Variants in ZNF521 observed in about 807,000 individuals in gnomAD.
ZNF521 encodes zinc finger protein 521.
A neutral mutation model predicts 105.5 loss-of-function variants in ZNF521; 14 were observed. The ratio of observed to expected loss-of-function variants is 0.13; its 90% confidence interval spans 0.09 to 0.21. ZNF521 has a LOEUF of 0.21. Ranked by LOEUF, ZNF521 falls within the 10% of genes least tolerant of loss-of-function variation. ZNF521 has a pLI of 1.00. For missense variants in ZNF521, 1,233 were observed against 1,629.7 expected (o/e 0.76, Z 4.19); for synonymous variants, 635 against 606.0 (o/e 1.05, Z -0.70).
At chr18:25,083,019 G>A (rs2033536795) in intron 7 of ZNF521, among the ~76,000 whole-genome samples, 1 of 151,968 alleles carries the variant, frequency 6.6e-6, no homozygotes, top group African/African-American at 2.4e-5. Flanking sequence ...TCGCTTGGAG[G>A]AAAATATGAA....
At chr18:25,185,891 C>T (rs1179870608) in intron 5 of ZNF521, among the ~76,000 whole-genome samples, 1 of 152,124 alleles carries the variant, frequency 6.6e-6, no homozygotes, top group Non-Finnish European at 1.5e-5. Context: ...GAGAGTGTAA[C>T]AACTTGTGGC....
At chr18:25,105,516 C>G (rs934873599) in intron 5 of ZNF521, among the ~76,000 whole-genome samples, 2 of 152,122 alleles carry the variant, frequency 1.3e-5, no homozygotes, top group African/African-American at 2.4e-5. Flanking sequence ...ATTCTCCTCC[C>G]CTTATCTCTG....
At chr18:25,169,047 A>AT (rs1388033435) in intron 5 of ZNF521, among the ~76,000 whole-genome samples, 1 of 151,982 alleles carries the variant, frequency 6.6e-6, no homozygotes, top group Non-Finnish European at 1.5e-5. Context: ...TTCCTCCTAC[A>AT]TTTTCCTGGC....
intron 5 of ZNF521, among the ~76,000 whole-genome samples, chr18:25,188,376 G>T (rs763759022): frequency 3.0e-4 from 46 of 152,148 alleles, no homozygotes; most frequent in Non-Finnish European, 4.9e-4. Flanking sequence ...GCTATTAATG[G>T]CCCTGAAACT....
At chr18:25,317,043 G>C (rs1912673313) in intron 3 of ZNF521, among the ~76,000 whole-genome samples, 2 of 151,944 alleles carry the variant, frequency 1.3e-5, no homozygotes, top group African/African-American at 4.8e-5. Flanking sequence ...TTTTAGTAGA[G>C]ACGGGGTTTC....
chr18:25,311,322 A>G (rs1325008296), intron 3 of ZNF521, among the ~76,000 whole-genome samples: 1 of 151,956 alleles, frequency 6.6e-6, no homozygotes, highest in Non-Finnish European at 1.5e-5. Context: ...AAGGAAACAG[A>G]TAAAGGTCAC....
intron 5 of ZNF521, among the ~76,000 whole-genome samples, chr18:25,124,760 T>C (rs2034507577): frequency 6.6e-6 from 1 of 152,188 alleles, no homozygotes; most frequent in Non-Finnish European, 1.5e-5. Flanking sequence ...AGATATTTTG[T>C]TCCAAACAAA....
At chr18:25,102,153 A>G (rs1232479001) in intron 5 of ZNF521, among the ~76,000 whole-genome samples, 2 of 152,172 alleles carry the variant, frequency 1.3e-5, no homozygotes, top group Admixed American at 6.6e-5. Flanking sequence ...CCAAAAACAA[A>G]TAACACTCCT....
At chr18:25,211,479 A>G (rs1041921561) in intron 4 of ZNF521, among the ~76,000 whole-genome samples, 3 of 152,160 alleles carry the variant, frequency 2.0e-5, no homozygotes, top group Non-Finnish European at 4.4e-5. Flanking sequence ...TGCATTTTCT[A>G]TATTAATAAT....
intron 2 of ZNF521, among the ~76,000 whole-genome samples, chr18:25,336,398 T>C (rs1913883898): frequency 6.6e-6 from 1 of 152,220 alleles, no homozygotes; most frequent in Non-Finnish European, 1.5e-5. Context: ...TGTGAATTAT[T>C]TGTCTCCAGT....
chr18:25,078,276 C>T (rs1217084230), intron 7 of ZNF521, among the ~76,000 whole-genome samples: 1 of 152,178 alleles, frequency 6.6e-6, no homozygotes, highest in Non-Finnish European at 1.5e-5. Flanking sequence ...GGAATTTCAC[C>T]TGTCATGGAG....
chr18:25,306,579 C>T (rs1316464798), intron 3 of ZNF521, among the ~76,000 whole-genome samples: 1 of 152,092 alleles, frequency 6.6e-6, no homozygotes, highest in Admixed American at 6.5e-5. Context: ...TGTCAAAATG[C>T]CTCATATTGA....
At chr18:25,292,560 G>C (rs948069024) in intron 3 of ZNF521, among the ~76,000 whole-genome samples, 18 of 152,148 alleles carry the variant, frequency 1.2e-4, no homozygotes, top group African/African-American at 4.1e-4. Context: ...CAAGTACAGG[G>C]AAGTGGATAG....
At chr18:25,115,202 C>G (rs1428019999) in intron 5 of ZNF521, among the ~76,000 whole-genome samples, 3 of 152,174 alleles carry the variant, frequency 2.0e-5, no homozygotes, top group Non-Finnish European at 4.4e-5. Context: ...AGCTTAATTA[C>G]TACCGTGGAC....
intron 3 of ZNF521, among the ~76,000 whole-genome samples, chr18:25,233,719 C>T (rs1183819480): frequency 1.4e-5 from 2 of 140,630 alleles, no homozygotes; most frequent in African/African-American, 5.4e-5. Context: ...GGCTCGCTTT[C>T]CCCCAACAAC....
At chr18:25,137,144 G>A (rs1408206824) in intron 5 of ZNF521, among the ~76,000 whole-genome samples, 5 of 152,164 alleles carry the variant, frequency 3.3e-5, no homozygotes, top group Non-Finnish European at 7.3e-5. Flanking sequence ...TCCTAAAACA[G>A]CCAAAATCTA....
intron 3 of ZNF521, among the ~76,000 whole-genome samples, chr18:25,236,409 G>C (rs574314282): frequency 6.6e-6 from 1 of 152,040 alleles, no homozygotes; most frequent in Non-Finnish European, 1.5e-5. Flanking sequence ...GGTGGCATGC[G>C]TCTGTAGTAC....
chr18:25,250,163 T>C (rs893929749), intron 3 of ZNF521, among the ~76,000 whole-genome samples: 2 of 152,162 alleles, frequency 1.3e-5, no homozygotes, highest in Non-Finnish European at 2.9e-5. Context: ...ATGGTCTCGA[T>C]CTCCTGACAT....
chr18:25,197,093 T>C (rs1755184603), intron 4 of ZNF521, among the ~76,000 whole-genome samples: 1 of 151,850 alleles, frequency 6.6e-6, no homozygotes, highest in Non-Finnish European at 1.5e-5. Context: ...CACTTACTAC[T>C]ATCTTCAAAA....
Sources: allele counts gnomAD v4.1 joint callset (sites outside exome capture counted in the v4.1 genomes callset), GRCh38; gene constraint gnomAD v4.1.1; transcripts MANE v1.5; gene names NCBI Gene and HGNC (gene_info 2026-07-23, HGNC 2026-07-21).